The following CROCC2 variants were observed in gnomAD, a reference collection of about 807,000 sequenced individuals.
The protein encoded by CROCC2 is ciliary rootlet coiled-coil, rootletin family member 2, also known as ciliary rootlet coiled-coil protein 2.
CROCC2 carries 163 observed loss-of-function variants against 177.6 expected under a neutral mutation model. The observed-to-expected ratio is 0.92, with a 90% CI of 0.81 to 1.05. The LOEUF (loss-of-function observed/expected upper bound fraction) is 1.05. CROCC2 is among the 50% of genes least tolerant of loss of function. The pLI is 0.00. For missense variants in CROCC2, 1,929 were observed against 1,797.8 expected (o/e 1.07, Z -1.32); for synonymous variants, 904 against 787.3 (o/e 1.15, Z -2.48).
Position 240,933,810 on chromosome 2 carries a change from T to A in CROCC2, c.1604T>A (p.Leu535Gln). The A allele has an allele frequency of 6.5e-7, 1 of 1,548,470 alleles. No homozygotes were observed. The highest frequency in any genetic ancestry group is 8.7e-7 in the Non-Finnish European group (1 of 1,146,712). ...CTGCAGGCAGAGCGGAGGGAGGAGC[T>A]GGCTCTGCGGAGGGAGCGGAGCTGC... ...LLLQAERREE[L>Q]ALRRERSCRA... is the part of the protein sequence containing the mutation. The change falls in exon 11 of 32, where the codon CTG becomes CAG. Residue 535 changes from leucine to glutamine, a missense_variant. This residue lies in a region of CROCC2 where 1,397 missense variants were observed against 1,239.9 expected (regional missense o/e 1.13). Coordinates refer to ENST00000690015, the MANE Select transcript of CROCC2 (RefSeq NM_001351305.2).
At position 240,917,012 on chromosome 2, in the gene CROCC2, C is replaced by G. The variant is rs955130292; in HGVS notation, c.79-1714C>G. On this transcript the variant is annotated intron_variant, in intron 1 of 31. Transcript: ENST00000690015. This position sits in a 1 kb window ranked among gnomAD's most constrained non-coding sequence, Gnocchi z 4.9. ...AGGAGGAGCAGGGACTTCCCTCCCCCTCCCCCACTGGGCTGCTGCTCCCAA... is the reference window on the plus strand; with the variant it reads ...AGGAGGAGCAGGGACTTCCCTCCCCGTCCCCCACTGGGCTGCTGCTCCCAA... 6.6e-6 allele frequency among the ~76,000 whole-genome samples: 1 copy of G among 152,190 alleles called. No homozygotes were observed. Among genetic ancestry groups the G allele is most frequent in the African/African-American group, 2.4e-5 (1 of 41,460 alleles).
rs1436625302 is a variant in CROCC2, at chr2:240,966,219, C to A, written c.3962-6C>A. The stretch of plus-strand genomic sequence containing the variant: ...TCCACGACCCCTCCGCTGTCACCTC[C>A]CGCAGGCTCCGACAGCTCCCAGGCT... On this transcript the variant is annotated splice_polypyrimidine_tract_variant and splice_region_variant and intron_variant, in intron 24 of 31. Transcript: ENST00000690015. The A allele has an allele frequency of 1.1e-6, 1 of 947,802 alleles. No homozygotes were observed. The highest frequency in any genetic ancestry group is 2.3e-4 in the Middle Eastern group (1 of 4,324). 58.7% of individuals were successfully genotyped at this position (947,802 alleles called of 1,614,324 possible).
In CROCC2 at chr2:240,972,444, T is replaced by C. The variant is rs1207514654; in HGVS notation, c.4401+4182T>C. Among the ~76,000 whole-genome samples, 3 of 151,968 alleles carry C rather than the reference T, an allele frequency of 2.0e-5. No individual in the cohort carries two copies. Among genetic ancestry groups the C allele is most frequent in the Admixed American group, 6.5e-5 (1 of 15,270 alleles). The stretch of plus-strand genomic sequence containing the variant: ...TCACAGGGATGGAGGGCTCCCCGGG[T>C]CCCCCAGCCACAGCAACCCTCTTCC... On this transcript the variant is annotated intron_variant, in intron 27 of 31. Transcript: ENST00000690015. The surrounding 1 kb of genome is among the most constrained non-coding windows in gnomAD (Gnocchi z 7.1).
chr2:240,923,007 C>G (rs1230613393), intron 4 of CROCC2, among the ~76,000 whole-genome samples: 1 of 152,094 alleles, frequency 6.6e-6, no homozygotes, highest in African/African-American at 2.4e-5. Context: ...CTGAGAGCGG[C>G]TCAGCAGCAT....
At position 240,963,593 on chromosome 2, in the gene CROCC2, A is replaced by T; in HGVS notation, c.3125A>T (p.Glu1042Val). 1.3e-6 allele frequency: 2 copies of T among 1,546,858 alleles called. No homozygotes were observed. Among genetic ancestry groups the T allele is most frequent in the South Asian group, 2.4e-5 (2 of 83,860 alleles). Reference protein sequence around the residue: ...RLRAQLTVAQEGLAALRQELQ... With the variant: ...RLRAQLTVAQVGLAALRQELQ... ...CGGGCACAGCTGACCGTGGCCCAGG[A>T]GGGACTGGCCGCACTGCGCCAGGAG... The change falls in exon 21 of 32, where the codon GAG becomes GTG. Residue 1042 changes from glutamate (E) to valine (V), a missense_variant. Glu to Val is a moderately radical substitution (Grantham distance 121, BLOSUM62 -2). Coordinates refer to ENST00000690015, the MANE Select transcript of CROCC2 (RefSeq NM_001351305.2).
At chr2:240,976,405 G>A (rs56132593) in intron 27 of CROCC2, among the ~76,000 whole-genome samples, 4,249 of 90,828 alleles carry the variant, frequency 0.047, 16 homozygotes, top group East Asian at 0.15. Context: ...TGGAGCCCAG[G>A]CTCATCCCTG....
Position 240,930,263 on chromosome 2 carries a change from C to T in CROCC2, c.743C>T (p.Thr248Ile), listed in dbSNP as rs2059419806. The change falls in exon 6 of 32, where the codon ACT (threonine) becomes ATT (isoleucine). Residue 248 changes from threonine (T) to isoleucine (I), a missense_variant. Physicochemically the swap from Thr to Ile is moderately conservative, Grantham distance 89. Transcript: ENST00000690015. ...GTDLAELRVATERGLADLQAD... is the reference protein window; with the variant it reads ...GTDLAELRVAIERGLADLQAD... ...GACCTGGCCGAGCTGCGTGTAGCCA[C>T]TGAGAGGTGAGTGCCAGCCGCCCCA... is the stretch of plus-strand genomic sequence containing the variant. 1 of 543,510 alleles carries T rather than the reference C, an allele frequency of 1.8e-6. No homozygotes were observed. The highest frequency in any genetic ancestry group is 3.4e-5 in the Admixed American group (1 of 29,466). The allele number at this position is 543,510 out of a possible 1,614,324, so 33.7% of individuals were successfully genotyped here.
chr2:240,934,609 A>G, intron 12 of CROCC2, 134 bp downstream of exon 12: 1 of 978,250 alleles, frequency 1.0e-6, no homozygotes. Context: ...TCCCAAAGTC[A>G]CCAAAGTTCT....
At chr2:240,950,778 T>C in intron 18 of CROCC2, 1 of 440,278 alleles carries the variant, frequency 2.3e-6, no homozygotes, top group South Asian at 3.8e-5. Context: ...CATCCATCCA[T>C]CTCTCCATCC....
At chr2:240,959,503 G>A in intron 20 of CROCC2, 59 bp downstream of exon 20, 1 of 1,524,084 alleles carries the variant, frequency 6.6e-7, no homozygotes, top group South Asian at 1.2e-5. Context: ...AAGCAGGGCA[G>A]GTACCAAGAG....
In CROCC2 at chr2:240,949,580, C is replaced by A; in HGVS notation, c.2530C>A (p.Leu844Met). 1 of 1,550,546 alleles carries A rather than the reference C, an allele frequency of 6.4e-7. No individual in the cohort carries two copies. The highest frequency in any genetic ancestry group is 8.7e-7 in the Non-Finnish European group (1 of 1,146,954). The change falls in exon 17 of 32, where the codon CTG (leucine) becomes ATG (methionine). Residue 844 changes from leucine to methionine, a missense_variant. By Grantham distance (15) the Leu-to-Met change is conservative. Transcript: ENST00000690015. This position sits in a 1 kb window ranked among gnomAD's most constrained non-coding sequence, Gnocchi z 4.5. The stretch of plus-strand genomic sequence containing the variant: ...TGACTGGGAGGTCCAGGAAATGAAG[C>A]TGCGGCAGGACACGGTGCGGCTCCA... Reference protein sequence around the residue: ...QSDWEVQEMKLRQDTVRLQRQ... With the variant: ...QSDWEVQEMKMRQDTVRLQRQ...
chr2:240,959,026 G>A (rs886884877), intron 19 of CROCC2: 1 of 392,962 alleles, frequency 2.5e-6, no homozygotes, highest in Non-Finnish European at 4.6e-6. Context: ...CCTGCCCCAG[G>A]GCGCAGGCTG....
At chr2:240,961,072 C>G (rs368274601) in intron 20 of CROCC2, among the ~76,000 whole-genome samples, 1 of 151,658 alleles carries the variant, frequency 6.6e-6, no homozygotes, top group African/African-American at 2.4e-5. Flanking sequence ...AAGCTGAGGA[C>G]GGTTAAGGGG....
chr2:240,983,223 T>C, intron 28 of CROCC2, 194 bp downstream of exon 28: 1 of 869,056 alleles, frequency 1.2e-6, no homozygotes, highest in Non-Finnish European at 1.7e-6. Flanking sequence ...ATGGGGAAAC[T>C]GAGCCTGGAG....
Position 240,964,513 on chromosome 2 carries a change from A to C in CROCC2, c.3353A>C (p.Glu1118Ala), listed in dbSNP as rs1421590164. 1 of 1,549,214 alleles carries C rather than the reference A, an allele frequency of 6.5e-7. No homozygotes were observed. The highest frequency in any genetic ancestry group is 8.7e-7 in the Non-Finnish European group (1 of 1,146,862). The change falls in exon 22 of 32, where the codon GAG becomes GCG. Residue 1118 changes from glutamate (E) to alanine (A), a missense_variant. Coordinates refer to ENST00000690015, the MANE Select transcript of CROCC2 (RefSeq NM_001351305.2). ...EEKEQKLLILEEAQAALQQEA... is the reference protein window; with the variant it reads ...EEKEQKLLILAEAQAALQQEA... ...AAGGAGCAGAAGCTGCTCATCCTGG[A>C]GGAGGCCCAGGCGGCGTTGCAGCAG...
At chr2:240,961,860 ACACTCAT>A (rs796394191) in intron 20 of CROCC2, among the ~76,000 whole-genome samples, 1 of 75,052 alleles carries the variant, frequency 1.3e-5, no homozygotes, top group Non-Finnish European at 2.7e-5. Flanking sequence ...ACACACGCAC[ACACTCAT>A]CACACATGCT....
chr2:240,950,084 C>T (rs1180269113), intron 17 of CROCC2, among the ~76,000 whole-genome samples: 1 of 152,198 alleles, frequency 6.6e-6, no homozygotes, highest in Admixed American at 6.5e-5. Flanking sequence ...GGCAGGTGCA[C>T]TGCAGAGACT....
intron 7 of CROCC2, 76 bp downstream of exon 7, chr2:240,931,204 G>C (rs528581871): frequency 4.2e-5 from 27 of 640,406 alleles, no homozygotes; most frequent in Non-Finnish European, 4.8e-5. Flanking sequence ...CCGAGCAGCT[G>C]TGGATCCCAG....
In CROCC2 at chr2:240,949,401, T is replaced by C. The variant is rs951982901; in HGVS notation, c.2483-132T>C. ...TGACCCTGCTCAGCCCACCCTGCCATGTGCTGGCCACCCACTCCCGGAGCC... is the reference window on the plus strand; with the variant it reads ...TGACCCTGCTCAGCCCACCCTGCCACGTGCTGGCCACCCACTCCCGGAGCC... On this transcript the variant is annotated intron_variant, in intron 16 of 31. Transcript: ENST00000690015. This position sits in a 1 kb window ranked among gnomAD's most constrained non-coding sequence, Gnocchi z 4.5. 1.3e-5 allele frequency: 15 copies of C among 1,174,464 alleles called. No homozygotes were observed. In the East Asian group the frequency reaches 3.9e-4, roughly 30 times the overall value. 72.8% of individuals were successfully genotyped at this position (1,174,464 alleles called of 1,614,324 possible). A position where few individuals can be genotyped will look rare whatever the true frequency, so the allele number is the denominator to read the frequency against.
Sources: allele counts gnomAD v4.1 joint callset (sites outside exome capture counted in the v4.1 genomes callset), GRCh38; gene constraint gnomAD v4.1.1; regional missense constraint gnomAD v4.1.1; non-coding constraint Gnocchi (gnomAD v3.1); transcripts MANE v1.5; gene names NCBI Gene and HGNC (gene_info 2026-07-23, HGNC 2026-07-21).